The following ZMIZ1 variants were observed in gnomAD, a reference collection of about 807,000 sequenced individuals.
The protein encoded by ZMIZ1 is zinc finger MIZ domain-containing protein 1.
In ZMIZ1, 17 loss-of-function variants were observed where a neutral mutation model predicts 113.9. That is an observed-to-expected ratio of 0.15 (90% CI 0.10 to 0.22). ZMIZ1 has a LOEUF of 0.22. Among genes scored for constraint, ZMIZ1 ranks in the 10% least tolerant of loss-of-function variants. The pLI, the probability that ZMIZ1 is intolerant of heterozygous loss-of-function variation, is 1.00. For synonymous variants in ZMIZ1, 607 were observed against 603.1 expected, an observed-to-expected ratio of 1.01 and a Z score of -0.09; for missense variants, 1,059 against 1,477.8, an observed-to-expected ratio of 0.72 and a Z score of 4.65.
intron 3 of ZMIZ1, among the ~76,000 whole-genome samples, chr10:79,149,328 C>T (rs1845617336): frequency 6.6e-6 from 1 of 152,218 alleles, no homozygotes; most frequent in Non-Finnish European, 1.5e-5. Flanking sequence ...CTTTCTGAGT[C>T]CCTCTGCCCT....
chr10:79,239,598 G>C (rs530901101), intron 7 of ZMIZ1, among the ~76,000 whole-genome samples: 3 of 152,250 alleles, frequency 2.0e-5, no homozygotes, highest in African/African-American at 7.2e-5. Flanking sequence ...GCCGTCCCTG[G>C]CTTCATTGTT....
chr10:79,304,305 G>A, intron 19 of ZMIZ1, 130 bp downstream of exon 19: 2 of 1,231,854 alleles, frequency 1.6e-6, no homozygotes, highest in Non-Finnish European at 2.2e-6. Flanking sequence ...ATCAGCAGCT[G>A]GCGTCACTCA....
intron 2 of ZMIZ1, among the ~76,000 whole-genome samples, chr10:79,122,450 T>G (rs1200255073): frequency 6.6e-6 from 1 of 152,188 alleles, no homozygotes; most frequent in Non-Finnish European, 1.5e-5. Flanking sequence ...TCCACCTGGC[T>G]GGGCAGTGGA....
At chr10:79,070,512 C>A (rs1474683486) in intron 1 of ZMIZ1, among the ~76,000 whole-genome samples, 1 of 152,056 alleles carries the variant, frequency 6.6e-6, no homozygotes, top group Non-Finnish European at 1.5e-5. Context: ...GGCGGGCGGA[C>A]GGGAGCGCGC....
chr10:79,081,579 C>G (rs1472717564), intron 1 of ZMIZ1, among the ~76,000 whole-genome samples: 1 of 152,226 alleles, frequency 6.6e-6, no homozygotes, highest in Non-Finnish European at 1.5e-5. Flanking sequence ...CCAGAGCCCC[C>G]TCACTGGAGG....
chr10:79,093,182 A>T (rs1400712516), intron 1 of ZMIZ1, among the ~76,000 whole-genome samples: 1 of 139,718 alleles, frequency 7.2e-6, no homozygotes, highest in African/African-American at 2.6e-5. Context: ...ACACATATTC[A>T]GGGGATGCTT....
At chr10:79,117,779 G>A (rs911272790) in intron 1 of ZMIZ1, among the ~76,000 whole-genome samples, 5 of 152,186 alleles carry the variant, frequency 3.3e-5, no homozygotes, top group African/African-American at 1.2e-4. Flanking sequence ...TGGGCTGGAG[G>A]TGCATCTTGT....
At chr10:79,307,602 C>T (rs368553068) in intron 23 of ZMIZ1, 31 bp downstream of exon 23, 6 of 1,600,914 alleles carry the variant, frequency 3.7e-6, no homozygotes, top group East Asian at 2.2e-5. Flanking sequence ...CCATTCCATT[C>T]CCCAGCCTTT....
chr10:79,149,252 G>C (rs1473828109), intron 3 of ZMIZ1, among the ~76,000 whole-genome samples: 2 of 152,208 alleles, frequency 1.3e-5, no homozygotes, highest in Non-Finnish European at 2.9e-5. Flanking sequence ...ACTAAGCCAA[G>C]AGGCTTTTGT....
intron 3 of ZMIZ1, among the ~76,000 whole-genome samples, chr10:79,159,391 G>A (rs1341561996): frequency 6.6e-6 from 1 of 152,182 alleles, no homozygotes; most frequent in Non-Finnish European, 1.5e-5. Flanking sequence ...CCCCCCTTTC[G>A]CAGCATGAGG....
intron 18 of ZMIZ1, among the ~76,000 whole-genome samples, chr10:79,302,880 G>A: frequency 1.9e-5 from 1 of 53,560 alleles, no homozygotes; most frequent in South Asian, 6.9e-4. Flanking sequence ...TTTTTTTTTT[G>A]AGACGGAGTC....
chr10:79,277,509 A>G (rs1486918749), intron 8 of ZMIZ1, among the ~76,000 whole-genome samples, 184 bp downstream of exon 8: 1 of 152,204 alleles, frequency 6.6e-6, no homozygotes, highest in Non-Finnish European at 1.5e-5. Flanking sequence ...AACAGGTTGA[A>G]AGCACTGAGT....
At chr10:79,283,697 A>AT (rs1852884913) in intron 8 of ZMIZ1, among the ~76,000 whole-genome samples, 1 of 152,260 alleles carries the variant, frequency 6.6e-6, no homozygotes, top group Non-Finnish European at 1.5e-5. Flanking sequence ...CTGCACCATC[A>AT]GTTCCAGATG....
chr10:79,302,681 C>CTT lies in ZMIZ1; in HGVS notation c.2125+492_2125+493dup, dbSNP rs758621365. Among the ~76,000 whole-genome samples the CTT allele has an allele frequency of 5.4e-3, 224 of 41,772 alleles. 4 individuals carry two copies. The highest frequency in any genetic ancestry group is 0.029 in the Middle Eastern group (2 of 70). The allele number at this position is 41,772 out of a possible 152,430, so 27.4% of individuals were successfully genotyped here. On this transcript the variant is annotated intron_variant, in intron 18 of 24. Transcript: ENST00000334512. ...GGCCTCCCTACTTCAACAGCTCATG[C>CTT]TTTTTTTTTTTTTTTTTTTTTTTTG...
chr10:79,094,960 A>G (rs2132239665), intron 1 of ZMIZ1, among the ~76,000 whole-genome samples: 1 of 149,622 alleles, frequency 6.7e-6, no homozygotes, highest in South Asian at 2.2e-4. Flanking sequence ...CCTGGAAAAA[A>G]AAAAAAAAAG....
intron 24 of ZMIZ1, 46 bp from the exon 25 acceptor site, chr10:79,312,596 C>T (rs757757195): frequency 6.2e-7 from 1 of 1,606,158 alleles, no homozygotes; most frequent in South Asian, 1.1e-5. Context: ...CGGGGCCTGC[C>T]TCTCAGGCAC....
chr10:79,224,049 C>T (rs1056701587), intron 7 of ZMIZ1, among the ~76,000 whole-genome samples: 7 of 152,136 alleles, frequency 4.6e-5, no homozygotes, highest in African/African-American at 9.7e-5. Context: ...GCTATTTCTA[C>T]GGCCATTAAA....
intron 4 of ZMIZ1, among the ~76,000 whole-genome samples, chr10:79,178,879 G>T (rs940239123): frequency 6.6e-6 from 1 of 152,166 alleles, no homozygotes; most frequent in Non-Finnish European, 1.5e-5. Flanking sequence ...ATGGGCCGTG[G>T]ATCTCCCAGA....
At chr10:79,166,003 G>GTGTGTGTGTGTGTGTGTGT (rs1309575802) in intron 4 of ZMIZ1, among the ~76,000 whole-genome samples, 38 of 44,508 alleles carry the variant, frequency 8.5e-4, no homozygotes, top group African/African-American at 3.1e-3. Flanking sequence ...TGTGTGTGTG[G>GTGTGTGTGTGTGTGTGTGT]GCTCTCCCTG....
Sources: gnomAD v4.1 joint callset for allele counts (sites outside exome capture counted in the v4.1 genomes callset) on GRCh38, gnomAD v4.1.1 for gene constraint, MANE v1.5 for transcripts, NCBI Gene and HGNC (gene_info 2026-07-23, HGNC 2026-07-21) for gene names.